Variants in B4GALT1 observed in about 807,000 individuals in gnomAD.
B4GALT1 encodes beta-1,4-galactosyltransferase 1.
A neutral mutation model predicts 34.9 loss-of-function variants in B4GALT1; 16 were observed. That is an observed-to-expected ratio of 0.46 (90% CI 0.31 to 0.70). The LOEUF (loss-of-function observed/expected upper bound fraction) is 0.70, where lower values mean the gene tolerates loss of function less well. Among genes scored for constraint, B4GALT1 ranks in the 30% least tolerant of loss-of-function variants. The pLI is 0.05. For missense variants in B4GALT1, 445 were observed against 530.5 expected (o/e 0.84, Z 1.58); for synonymous variants, 221 against 218.1 (o/e 1.01, Z -0.12).
chr9:33,137,706 T>A (rs1840290855), intron 1 of B4GALT1, among the ~76,000 whole-genome samples: 1 of 152,172 alleles, frequency 6.6e-6, no homozygotes, highest in East Asian at 1.9e-4. Context: ...GGAGCCCAGA[T>A]GATTCTCACT....
chr9:33,173,591 GGTGTGTGTGTGTGTGTGTGTGTGTGT>G, the B4GALT1 span, among the ~76,000 whole-genome samples: 46 of 143,166 alleles, frequency 3.2e-4, no homozygotes, highest in Admixed American at 3.2e-3. Flanking sequence ...AAATAAGAAT[GGTGTGTGTGTGTGTGTGTGTGTGTGT>G]GTGTGTGTGT....
intron 1 of B4GALT1, among the ~76,000 whole-genome samples, chr9:33,161,441 G>C (rs1013370848): frequency 6.6e-6 from 1 of 152,136 alleles, no homozygotes; most frequent in Admixed American, 6.5e-5. Flanking sequence ...CAATGGCCCA[G>C]ATCAACACAG....
At chr9:33,124,530 G>A (rs901498826) in intron 2 of B4GALT1, among the ~76,000 whole-genome samples, 2 of 152,168 alleles carry the variant, frequency 1.3e-5, no homozygotes, top group African/African-American at 4.8e-5. Context: ...TTTAAAAGCT[G>A]GGTTTTTCAG....
intron 5 of B4GALT1, 92 bp downstream of exon 5, chr9:33,113,682 A>AC: frequency 1.2e-6 from 2 of 1,607,782 alleles, no homozygotes; most frequent in Non-Finnish European, 1.7e-6. Flanking sequence ...CTGTAACCTG[A>AC]CCACCTCAAT....
chr9:33,155,252 T>C (rs1208597295), intron 1 of B4GALT1, among the ~76,000 whole-genome samples: 3 of 152,114 alleles, frequency 2.0e-5, no homozygotes, highest in Admixed American at 1.3e-4. Flanking sequence ...AGCTGGACTT[T>C]AGGGTCTGGC....
downstream of B4GALT1, among the ~76,000 whole-genome samples, chr9:33,105,875 C>T (rs1250421737): frequency 8.9e-5 from 9 of 101,578 alleles, no homozygotes; most frequent in Admixed American, 2.5e-4. Flanking sequence ...TCAATGGACT[C>T]GTGGGTTTTT....
chr9:33,133,814 T>C (rs3780488), intron 2 of B4GALT1, among the ~76,000 whole-genome samples: 54,957 of 152,018 alleles, frequency 0.36, 10,475 homozygotes, highest in East Asian at 0.59. Context: ...TGACACCTGG[T>C]CCCAGAGCTT....
At chr9:33,144,507 G>A (rs1378933668) in intron 1 of B4GALT1, among the ~76,000 whole-genome samples, 1 of 152,082 alleles carries the variant, frequency 6.6e-6, no homozygotes, top group Non-Finnish European at 1.5e-5. Context: ...CAAAGTGCTG[G>A]GATTACAGGC....
the B4GALT1 span, among the ~76,000 whole-genome samples, chr9:33,176,982 G>A: frequency 4.6e-3 from 706 of 152,210 alleles, 2 homozygotes; most frequent in Admixed American, 6.2e-3. Context: ...CCCATTTTAC[G>A]GGGAAGGTCT....
chr9:33,143,976 G>A (rs991058577), intron 1 of B4GALT1, among the ~76,000 whole-genome samples: 4 of 151,556 alleles, frequency 2.6e-5, no homozygotes, highest in Non-Finnish European at 4.4e-5. Context: ...GGGCCCAAGC[G>A]ATCCTCCTGG....
At chr9:33,105,880 G>GTTTTTTTT (rs35330697), downstream of B4GALT1, among the ~76,000 whole-genome samples, 34 of 85,744 alleles carry the variant, frequency 4.0e-4, no homozygotes, top group Non-Finnish European at 5.3e-4. Context: ...GGACTCGTGG[G>GTTTTTTTT]TTTTTTTTTT....
chr9:33,113,741 G>A (rs1266591179), intron 5 of B4GALT1, 33 bp downstream of exon 5: 2 of 1,612,610 alleles, frequency 1.2e-6, no homozygotes, highest in African/African-American at 1.3e-5. Context: ...TCATCCTAAA[G>A]GGGGAAGGAG....
Position 33,166,813 on chromosome 9 carries a change from C to A in B4GALT1, c.357G>T (p.Val119=), listed in dbSNP as rs886063874. 3.2e-6 allele frequency: 5 copies of A among 1,546,580 alleles called. No individual in the cohort carries two copies. The highest frequency in any genetic ancestry group is 3.5e-6 in the Non-Finnish European group (4 of 1,152,066). ...GCAGCGACAGTGCGGTGGTGTGGGG[C>A]ACTGGGACCGAGGTCAAGTTGCTAG... ...GPASNLTSVP[V]PHTTALSLPA... The change falls in exon 1 of 6, where the codon GTG becomes GTT. Residue 119 remains valine, a synonymous_variant. Transcript: ENST00000379731.
chr9:33,183,902 C>T, the B4GALT1 span, among the ~76,000 whole-genome samples: 2 of 151,808 alleles, frequency 1.3e-5, no homozygotes. Flanking sequence ...TCATTCTCAG[C>T]AAACTAACAC....
rs1839886403 is a variant in B4GALT1 at position 33,113,037 on chromosome 9, T to C, written c.*417A>G. 1 of 276,340 alleles carries C rather than the reference T, an allele frequency of 3.6e-6. No homozygotes were observed. The highest frequency in any genetic ancestry group is 2.2e-5 in the African/African-American group (1 of 45,330). The allele number at this position is 276,340 out of a possible 1,614,324, so 17.1% of individuals were successfully genotyped here. A position where few individuals can be genotyped will look rare whatever the true frequency, so the allele number is the denominator to read the frequency against. On this transcript the variant is annotated 3_prime_UTR_variant, in exon 6 of 6. Coordinates refer to ENST00000379731, the MANE Select transcript of B4GALT1 (RefSeq NM_001497.4). ...TGTTAAATTACAACTACCAAAAAGA[T>C]CACACCAATCCAATTTTAGCAGCAC...
At chr9:33,171,553 C>T (rs1840841034), upstream of B4GALT1, among the ~76,000 whole-genome samples, 1 of 151,982 alleles carries the variant, frequency 6.6e-6, no homozygotes, top group Non-Finnish European at 1.5e-5. Flanking sequence ...GGCTCGGCCT[C>T]TTGTTTTTAC....
chr9:33,163,255 C>A (rs552424809), intron 1 of B4GALT1, among the ~76,000 whole-genome samples: 3 of 152,306 alleles, frequency 2.0e-5, no homozygotes, highest in East Asian at 1.9e-4. Context: ...AGGACACAAA[C>A]CCTGGCAGAC....
intron 2 of B4GALT1, among the ~76,000 whole-genome samples, chr9:33,105,388 G>T (rs892524142): frequency 1.3e-5 from 2 of 151,840 alleles, no homozygotes; most frequent in African/African-American, 4.8e-5. Flanking sequence ...TGATCCTCCC[G>T]CCTCAGCCTC....
intron 2 of B4GALT1, among the ~76,000 whole-genome samples, chr9:33,129,623 G>A (rs1270513859): frequency 6.6e-6 from 1 of 152,208 alleles, no homozygotes; most frequent in Non-Finnish European, 1.5e-5. Context: ...AAAGAAGGGA[G>A]GCAGACATGA....
Sources: allele counts gnomAD v4.1 joint callset (sites outside exome capture counted in the v4.1 genomes callset), GRCh38; gene constraint gnomAD v4.1.1; transcripts MANE v1.5; gene names NCBI Gene and HGNC (gene_info 2026-07-23, HGNC 2026-07-21).